Variants in XRN2 observed in about 807,000 individuals in gnomAD.
XRN2 encodes DHM1-like protein.
A neutral mutation model predicts 138.5 loss-of-function variants in XRN2; 44 were observed. That is an observed-to-expected ratio of 0.32 (90% CI 0.25 to 0.41). XRN2 has a LOEUF of 0.41. Among genes scored for constraint, XRN2 ranks in the 10% least tolerant of loss-of-function variants. The pLI, the probability that XRN2 is intolerant of heterozygous loss-of-function variation, is 1.00. For missense variants in XRN2, 937 were observed against 1,169.3 expected (o/e 0.80, Z 2.90); for synonymous variants, 354 against 369.4 (o/e 0.96, Z 0.48).
chr20:21,372,032 TA>T (rs1263293751), intron 27 of XRN2, among the ~76,000 whole-genome samples: 1 of 152,250 alleles, frequency 6.6e-6, no homozygotes, highest in Non-Finnish European at 1.5e-5. Flanking sequence ...ACAAAATACT[TA>T]CAGACTTTAA....
intron 1 of XRN2, among the ~76,000 whole-genome samples, chr20:21,315,247 C>T (rs897735265): frequency 2.6e-5 from 4 of 152,182 alleles, no homozygotes; most frequent in Non-Finnish European, 1.5e-5. Flanking sequence ...ATTCTACAGT[C>T]ACTTTTGAGA....
chr20:21,365,381 A>T (rs1204539035), intron 24 of XRN2, 40 bp from the exon 25 acceptor site: 1 of 1,593,124 alleles, frequency 6.3e-7, no homozygotes, highest in Non-Finnish European at 8.6e-7. Context: ...AGACAGGCTG[A>T]TATAATCAGA....
intron 1 of XRN2, among the ~76,000 whole-genome samples, chr20:21,314,252 C>G (rs755587114): frequency 6.6e-6 from 1 of 152,176 alleles, no homozygotes; most frequent in Non-Finnish European, 1.5e-5. Context: ...CATGTTGTAG[C>G]ATGTCGCAGT....
intron 23 of XRN2, 70 bp from the exon 24 acceptor site, chr20:21,357,666 A>G (rs375413510): frequency 7.9e-6 from 10 of 1,271,640 alleles, no homozygotes; most frequent in African/African-American, 3.0e-5. Flanking sequence ...AAACATAGCA[A>G]CATCTTATTT....
intron 1 of XRN2, among the ~76,000 whole-genome samples, chr20:21,307,731 C>T (rs2037824250): frequency 1.3e-5 from 1 of 75,968 alleles, no homozygotes; most frequent in Non-Finnish European, 3.1e-5. Flanking sequence ...TTTTGTAGTT[C>T]CTTTCTACTA....
intron 21 of XRN2, among the ~76,000 whole-genome samples, chr20:21,355,164 A>T (rs531701646): frequency 6.6e-6 from 1 of 152,220 alleles, no homozygotes; most frequent in Admixed American, 6.5e-5. Context: ...TGCACACACG[A>T]AAGTATCTTT....
chr20:21,382,141 C>G, intron 28 of XRN2, 84 bp downstream of exon 28: 1 of 1,194,870 alleles, frequency 8.4e-7, no homozygotes, highest in East Asian at 2.5e-5. Flanking sequence ...GCTAAAACCT[C>G]TGTGGTTTGA....
Position 21,305,553 on chromosome 20 carries a change from C to CTT in XRN2, c.75+2102_75+2103dup, listed in dbSNP as rs1180206108. 8.4e-3 allele frequency among the ~76,000 whole-genome samples: 166 copies of CTT among 19,832 alleles called. 4 individuals carry two copies. Among genetic ancestry groups the CTT allele is most frequent in the East Asian group, 0.033 (7 of 214 alleles). 13.0% of individuals were successfully genotyped at this position (19,832 alleles called of 152,430 possible). A position where few individuals can be genotyped will look rare whatever the true frequency, so the allele number is the denominator to read the frequency against. On this transcript the variant is annotated intron_variant, in intron 1 of 29. Transcript: ENST00000377191. ...ACAGGCATGAGCCACCATACGTGGCCTTTTTTTTTTTTTTTTTTTTTTTGG... is the reference window on the plus strand; with the variant it reads ...ACAGGCATGAGCCACCATACGTGGCCTTTTTTTTTTTTTTTTTTTTTTTTTGG...
intron 15 of XRN2, 57 bp from the exon 16 acceptor site, chr20:21,344,033 T>C (rs1328628714): frequency 2.1e-5 from 28 of 1,344,172 alleles, no homozygotes; most frequent in Middle Eastern, 3.7e-4. Flanking sequence ...TGGATGTACC[T>C]TCTTATGTAA....
At chr20:21,310,719 G>A (rs1278844400) in intron 1 of XRN2, among the ~76,000 whole-genome samples, 3 of 151,658 alleles carry the variant, frequency 2.0e-5, no homozygotes, top group Non-Finnish European at 4.4e-5. Context: ...TAACAATTGG[G>A]TCTGGCTTTT....
chr20:21,380,123 A>G (rs2038867089), intron 27 of XRN2, among the ~76,000 whole-genome samples: 1 of 152,184 alleles, frequency 6.6e-6, no homozygotes, highest in South Asian at 2.1e-4. Context: ...AAAAAGGGGT[A>G]TGTTTCCAGG....
At chr20:21,320,875 G>A (rs909443342) in intron 1 of XRN2, among the ~76,000 whole-genome samples, 4 of 152,160 alleles carry the variant, frequency 2.6e-5, no homozygotes, top group African/African-American at 9.7e-5. Context: ...TTTGGTATTT[G>A]TGCTAACACC....
chr20:21,332,996 C>T (rs145159457), intron 9 of XRN2, among the ~76,000 whole-genome samples: 111 of 152,188 alleles, frequency 7.3e-4, no homozygotes, highest in Middle Eastern at 3.4e-3. Context: ...AATATGGTGC[C>T]TCTTGAGTCA....
chr20:21,389,048 T>G (rs959407633), intron 29 of XRN2, among the ~76,000 whole-genome samples: 5 of 152,200 alleles, frequency 3.3e-5, no homozygotes, highest in African/African-American at 1.2e-4. Flanking sequence ...TGTTAAGGTT[T>G]TTTGTTTTAT....
chr20:21,348,895 G>A (rs2038471886), intron 19 of XRN2, among the ~76,000 whole-genome samples: 2 of 152,030 alleles, frequency 1.3e-5, no homozygotes, highest in Admixed American at 6.5e-5. Context: ...TGCCCACCTC[G>A]GCCTCCCAAA....
chr20:21,347,796 C>G (rs1393208574), intron 17 of XRN2, among the ~76,000 whole-genome samples: 4 of 152,168 alleles, frequency 2.6e-5, no homozygotes, highest in African/African-American at 9.7e-5. Context: ...TTTGGTTTTA[C>G]TTGATGATGA....
rs1045189958 is a variant in XRN2, at chr20:21,346,866, C to T, written c.1665+316C>T. On this transcript the variant is annotated intron_variant, in intron 17 of 29. Coordinates refer to ENST00000377191, the MANE Select transcript of XRN2 (RefSeq NM_012255.5). ...ACTCCTGACCTCGTGATCCGCCTGC[C>T]TCAGCCTCCTAAAGTAGTGGGATTA... 2.4e-4 allele frequency among the ~76,000 whole-genome samples: 36 copies of T among 152,074 alleles called. 1 individual carries two copies. Among genetic ancestry groups the T allele is most frequent in the African/African-American group, 5.6e-4 (23 of 41,420 alleles).
At chr20:21,326,715 A>G in intron 3 of XRN2, 114 bp downstream of exon 3, 1 of 807,056 alleles carries the variant, frequency 1.2e-6, no homozygotes, top group South Asian at 1.8e-5. Context: ...GAACTTGAGA[A>G]AGAAAGCCTC....
intron 14 of XRN2, 115 bp from the exon 15 acceptor site, chr20:21,340,606 G>T: frequency 1.7e-6 from 2 of 1,181,200 alleles, no homozygotes; most frequent in Non-Finnish European, 2.4e-6. Flanking sequence ...GTTTTTTAGT[G>T]AGTTTTGTAA....
Sources: allele counts gnomAD v4.1 joint callset (sites outside exome capture counted in the v4.1 genomes callset), GRCh38; gene constraint gnomAD v4.1.1; transcripts MANE v1.5; gene names NCBI Gene and HGNC (gene_info 2026-07-23, HGNC 2026-07-21).